CMSS1: variants seen among roughly 807,000 people sequenced by gnomAD.
CMSS1 encodes the protein cms1 ribosomal small subunit homolog, also known as protein CMSS1.
In CMSS1, 33 loss-of-function variants were observed where a neutral mutation model predicts 43.5. That is an observed-to-expected ratio of 0.76 (90% CI 0.57 to 1.01). The LOEUF is 1.01. Ranked by LOEUF, CMSS1 falls within the 50% of genes least tolerant of loss-of-function variation. CMSS1 has a pLI of 0.00. For missense variants in CMSS1, 313 were observed against 326.4 expected (o/e 0.96, Z 0.32); for synonymous variants, 115 against 117.2 (o/e 0.98, Z 0.12).
chr3:99,998,741 T>C (rs563275436), intron 1 of CMSS1, among the ~76,000 whole-genome samples: 66 of 152,286 alleles, frequency 4.3e-4, no homozygotes, highest in African/African-American at 1.5e-3. Flanking sequence ...TTTTTTGTTT[T>C]TGTATTTTTA....
intron 1 of CMSS1, among the ~76,000 whole-genome samples, chr3:99,998,655 C>T (rs1232889786): frequency 1.3e-5 from 2 of 152,098 alleles, no homozygotes; most frequent in African/African-American, 4.8e-5. Flanking sequence ...CTCCGCCTCC[C>T]GGGTTCACGC....
intron 1 of CMSS1, among the ~76,000 whole-genome samples, chr3:100,117,948 A>C (rs1340593216): frequency 2.7e-5 from 4 of 148,934 alleles, no homozygotes; most frequent in African/African-American, 9.9e-5. Flanking sequence ...AATATGGATG[A>C]ACCATGAAGG....
rs567519881 is a variant in CMSS1 at position 99,971,075 on chromosome 3, C to T, written c.64+153032C>T. On this transcript the variant is annotated intron_variant, in intron 1 of 9. Transcript: ENST00000421999. ...TATGGGGGCTGGGCGTGGTGGCTCA[C>T]GCCTGTAATCCCAGCACTTTGGGAG... 8.5e-5 allele frequency among the ~76,000 whole-genome samples: 13 copies of T among 152,258 alleles called. No individual in the cohort carries two copies. In the South Asian group the frequency reaches 1.0e-3, roughly 12 times the overall value.
At chr3:100,047,534 C>T (rs572777753) in intron 1 of CMSS1, among the ~76,000 whole-genome samples, 1 of 152,290 alleles carries the variant, frequency 6.6e-6, no homozygotes, top group South Asian at 2.1e-4. Context: ...CTACTGACTG[C>T]GAATGATTAA....
chr3:99,890,188 ATAT>A (rs1209453519), intron 1 of CMSS1, among the ~76,000 whole-genome samples: 4 of 152,116 alleles, frequency 2.6e-5, no homozygotes, highest in Admixed American at 6.5e-5. Context: ...TACATTGAAG[ATAT>A]TATTCCACCA....
At chr3:100,068,123 A>T (rs1054904813) in intron 1 of CMSS1, among the ~76,000 whole-genome samples, 1 of 152,238 alleles carries the variant, frequency 6.6e-6, no homozygotes, top group Non-Finnish European at 1.5e-5. Context: ...GTAAAACTCC[A>T]AGGCAATCAG....
intron 1 of CMSS1, among the ~76,000 whole-genome samples, chr3:100,050,117 G>T (rs2065344976): frequency 1.3e-5 from 2 of 152,132 alleles, no homozygotes; most frequent in Admixed American, 1.3e-4. Context: ...TCTATTAAGG[G>T]CATCATGGGG....
chr3:99,944,428 G>C (rs1707946266), intron 1 of CMSS1, among the ~76,000 whole-genome samples: 2 of 152,220 alleles, frequency 1.3e-5, no homozygotes, highest in East Asian at 1.9e-4. Context: ...TGTCACGTCT[G>C]TCTCTCCACC....
intron 1 of CMSS1, among the ~76,000 whole-genome samples, chr3:100,002,947 C>T (rs1375833219): frequency 6.6e-6 from 1 of 152,164 alleles, no homozygotes; most frequent in Non-Finnish European, 1.5e-5. Flanking sequence ...GACATTCTTG[C>T]TGGGTTGCAT....
At chr3:99,988,602 T>A (rs2107123170) in intron 1 of CMSS1, among the ~76,000 whole-genome samples, 1 of 152,180 alleles carries the variant, frequency 6.6e-6, no homozygotes, top group Non-Finnish European at 1.5e-5. Context: ...TAAGAAAAAC[T>A]TTGTTTTAAA....
intron 1 of CMSS1, among the ~76,000 whole-genome samples, chr3:100,062,517 C>T (rs745551347): frequency 6.6e-6 from 1 of 152,024 alleles, no homozygotes; most frequent in Non-Finnish European, 1.5e-5. Context: ...GTCCCTCATA[C>T]GGGGGTCAGT....
chr3:100,126,917 GA>G (rs1282066711), intron 1 of CMSS1, among the ~76,000 whole-genome samples: 1 of 151,954 alleles, frequency 6.6e-6, no homozygotes, highest in Non-Finnish European at 1.5e-5. Flanking sequence ...AGAATGGTGT[GA>G]ACCCGGGAGG....
At chr3:99,933,714 A>G (rs1707565388) in intron 1 of CMSS1, among the ~76,000 whole-genome samples, 1 of 152,186 alleles carries the variant, frequency 6.6e-6, no homozygotes, top group South Asian at 2.1e-4. Context: ...TCACAGATTA[A>G]TTATAGGGCC....
intron 1 of CMSS1, among the ~76,000 whole-genome samples, chr3:100,009,334 G>C (rs902727499): frequency 1.3e-5 from 2 of 152,158 alleles, no homozygotes; most frequent in African/African-American, 4.8e-5. Flanking sequence ...ATTTCACTGA[G>C]GGAGTTAGAG....
intron 1 of CMSS1, among the ~76,000 whole-genome samples, chr3:99,857,827 G>C (rs976211480): frequency 6.6e-6 from 1 of 152,126 alleles, no homozygotes; most frequent in African/African-American, 2.4e-5. Context: ...TTTTCACTAT[G>C]TTCACTATGT....
At chr3:100,111,416 GTT>G (rs2066489172) in intron 1 of CMSS1, among the ~76,000 whole-genome samples, 1 of 152,140 alleles carries the variant, frequency 6.6e-6, no homozygotes, top group Non-Finnish European at 1.5e-5. Flanking sequence ...CTAAAACTTA[GTT>G]TATCTATCTG....
At chr3:100,107,877 TAAAAAAA>T (rs11322494) in intron 1 of CMSS1, among the ~76,000 whole-genome samples, 1 of 130,060 alleles carries the variant, frequency 7.7e-6, no homozygotes, top group African/African-American at 2.9e-5. Flanking sequence ...GCAAGAGAAT[TAAAAAAA>T]AAAAAAAAAA....
At chr3:99,928,304 C>T (rs968592649) in intron 1 of CMSS1, among the ~76,000 whole-genome samples, 4 of 152,052 alleles carry the variant, frequency 2.6e-5, no homozygotes, top group African/African-American at 9.7e-5. Context: ...GGGTTGTGTA[C>T]GTGGAGTTAT....
intron 1 of CMSS1, among the ~76,000 whole-genome samples, chr3:100,018,946 G>T (rs2107221782): frequency 6.6e-6 from 1 of 152,272 alleles, no homozygotes; most frequent in East Asian, 1.9e-4. Flanking sequence ...ATAAAAAGGT[G>T]TTGAACTTCA....
Sources: allele counts gnomAD v4.1 joint callset (sites outside exome capture counted in the v4.1 genomes callset), GRCh38; gene constraint gnomAD v4.1.1; transcripts MANE v1.5; gene names NCBI Gene and HGNC (gene_info 2026-07-23, HGNC 2026-07-21).